Variants in RANGAP1 observed in about 807,000 individuals in gnomAD.
RANGAP1 encodes the protein ran GTPase-activating protein 1.
In RANGAP1, 38 loss-of-function variants were observed where a neutral mutation model predicts 63.5. The ratio of observed to expected loss-of-function variants is 0.60; its 90% CI spans 0.46 to 0.78. The LOEUF (loss-of-function observed/expected upper bound fraction) is 0.78, where lower values mean the gene tolerates loss of function less well. RANGAP1 is among the 30% of genes least tolerant of loss of function. The pLI is 0.00. For synonymous variants in RANGAP1, 329 were observed against 310.5 expected (o/e 1.06, Z -0.63); for missense variants, 630 against 740.3 (o/e 0.85, Z 1.73).
At chr22:41,249,896 C>T in intron 13 of RANGAP1, 79 bp from the exon 14 acceptor site, 1 of 1,293,822 alleles carries the variant, frequency 7.7e-7, no homozygotes, top group African/African-American at 1.5e-5. Flanking sequence ...TCCCCCAACA[C>T]CGCGCAGACA....
intron 13 of RANGAP1, among the ~76,000 whole-genome samples, 183 bp downstream of exon 13, chr22:41,250,824 A>G (rs2033391063): frequency 6.6e-6 from 1 of 152,084 alleles, no homozygotes; most frequent in Non-Finnish European, 1.5e-5. Flanking sequence ...GTGGTGAAAA[A>G]CAGGGAGAAG....
intron 1 of RANGAP1, chr22:41,285,510 T>C (rs915337931): frequency 5.1e-6 from 5 of 985,336 alleles, no homozygotes; most frequent in African/African-American, 3.5e-5. Flanking sequence ...TGAGGTGAGA[T>C]GCATGCTCCT....
intron 12 of RANGAP1, 81 bp downstream of exon 12, chr22:41,252,789 GTC>G: frequency 7.2e-7 from 1 of 1,396,954 alleles, no homozygotes; most frequent in South Asian, 1.7e-5. Flanking sequence ...GCACCCCCAG[GTC>G]TCTGAGCTGT....
At chr22:41,290,156 A>AGAG (rs1341756333), upstream of RANGAP1, among the ~76,000 whole-genome samples, 1 of 150,462 alleles carries the variant, frequency 6.6e-6, no homozygotes, top group Non-Finnish European at 1.5e-5. Flanking sequence ...AGAAAAAAAA[A>AGAG]AAAGAGAGAG....
At chr22:41,271,310 C>G (rs1016989984) in intron 3 of RANGAP1, among the ~76,000 whole-genome samples, 1 of 150,724 alleles carries the variant, frequency 6.6e-6, no homozygotes, top group Non-Finnish European at 1.5e-5. Flanking sequence ...ATCACTTGAG[C>G]CTGGGAGTGC....
At chr22:41,265,170 T>A (rs1569191090) in intron 4 of RANGAP1, among the ~76,000 whole-genome samples, 1 of 152,058 alleles carries the variant, frequency 6.6e-6, no homozygotes, top group East Asian at 1.9e-4. Context: ...GACATAAGCA[T>A]GAAGCAGCAG....
At chr22:41,255,004 A>C (rs2033734699) in intron 10 of RANGAP1, among the ~76,000 whole-genome samples, 1 of 151,988 alleles carries the variant, frequency 6.6e-6, no homozygotes, top group Non-Finnish European at 1.5e-5. Flanking sequence ...AACAAAAAAA[A>C]ATCAGATCTT....
At position 41,271,397 on chromosome 22, in the gene RANGAP1, A is replaced by AC. The variant is rs1365062848; in HGVS notation, c.240+3202_240+3203insG. Among the ~76,000 whole-genome samples the AC allele has an allele frequency of 1.7e-3, 235 of 141,728 alleles. 2 individuals carry two copies. The highest frequency in any genetic ancestry group is 2.5e-3 in the Non-Finnish European group (160 of 64,552). The allele number at this position is 141,728 out of a possible 152,430, so 93.0% of individuals were successfully genotyped here. ...CGTGAAACTGTCTCTAAAAAAAAACAAAAAAAAAAAACAAAAACGCCGGGT... is the reference window on the plus strand; with the variant it reads ...CGTGAAACTGTCTCTAAAAAAAAACACAAAAAAAAAAACAAAAACGCCGGGT... On this transcript the variant is annotated intron_variant, in intron 3 of 15. Coordinates refer to ENST00000356244, the MANE Select transcript of RANGAP1 (RefSeq NM_002883.4).
At chr22:41,264,568 C>T in intron 5 of RANGAP1, 96 bp downstream of exon 5, 1 of 1,405,708 alleles carries the variant, frequency 7.1e-7, no homozygotes, top group Non-Finnish European at 9.5e-7. Flanking sequence ...CAACGGCTGA[C>T]CATCCCAGAT....
chr22:41,291,729 T>G, the RANGAP1 span, among the ~76,000 whole-genome samples: 6 of 151,088 alleles, frequency 4.0e-5, no homozygotes, highest in Non-Finnish European at 8.8e-5. Context: ...AAACCCCGTC[T>G]CTACTAAAAA....
Position 41,251,068 on chromosome 22 carries a change from T to C in RANGAP1, c.1422A>G (p.Leu474=), listed in dbSNP as rs1457929880. Residue 474 remains leucine (L), a synonymous_variant, in exon 13 of 16, where the codon CTA becomes CTG. Coordinates refer to ENST00000356244, the MANE Select transcript of RANGAP1 (RefSeq NM_002883.4). ...CGTCCTTGAACACAGATGACACCTTTAGGAAGGCAGAGACCACCTTCTCGG... is the reference window on the plus strand; with the variant it reads ...CGTCCTTGAACACAGATGACACCTTCAGGAAGGCAGAGACCACCTTCTCGG... ...SDPEKVVSAF[L]KVSSVFKDEA... 2.5e-6 allele frequency: 4 copies of C among 1,614,052 alleles called. No individual in the cohort carries two copies. The highest frequency in any genetic ancestry group is 3.3e-5 in the Admixed American group (2 of 60,022).
rs145681292 is a variant in RANGAP1 at position 41,254,348 on chromosome 22, G to A, written c.1220C>T (p.Ser407Leu). 4.7e-5 allele frequency: 76 copies of A among 1,613,982 alleles called. No homozygotes were observed. Among genetic ancestry groups the A allele is most frequent in the Non-Finnish European group, 5.9e-5 (70 of 1,180,026 alleles). ...EPQQRGQGEK[S>L]ATPSRKILDP... Reference sequence around the variant, plus strand: ...CAGAATCTTCCGTGAGGGCGTGGCTGACTTCTCTCCCTGCCCTCGCTGCTG... The same window carrying A: ...CAGAATCTTCCGTGAGGGCGTGGCTAACTTCTCTCCCTGCCCTCGCTGCTG... Residue 407 changes from serine to leucine, a missense_variant, in exon 11 of 16, where the codon TCA (serine) becomes TTA (leucine). Coordinates refer to ENST00000356244, the MANE Select transcript of RANGAP1 (RefSeq NM_002883.4).
intron 4 of RANGAP1, among the ~76,000 whole-genome samples, chr22:41,265,823 T>C (rs1310300318): frequency 1.3e-5 from 2 of 152,252 alleles, no homozygotes; most frequent in South Asian, 2.1e-4. Context: ...GCCACAGATA[T>C]GGCAGATGAG....
intron 1 of RANGAP1, among the ~76,000 whole-genome samples, chr22:41,284,544 G>C (rs1375769751): frequency 6.6e-6 from 1 of 151,008 alleles, no homozygotes; most frequent in Non-Finnish European, 1.5e-5. Flanking sequence ...TCCAACGTGG[G>C]CAACAAGAGT....
At position 41,257,848 on chromosome 22, in the gene RANGAP1, G is replaced by A; in HGVS notation, c.774+100C>T. ...CACACACCCAGGGGGCAGGCAGGGG[G>A]TAGAGGAGTCCCTGCTAAACGGAGC... On this transcript the variant is annotated intron_variant, in intron 7 of 15. Transcript: ENST00000356244. This position sits in a 1 kb window ranked among gnomAD's most constrained non-coding sequence, Gnocchi z 4.0. 1 of 1,371,460 alleles carries A rather than the reference G, an allele frequency of 7.3e-7. No individual in the cohort carries two copies. The highest frequency in any genetic ancestry group is 9.9e-7 in the Non-Finnish European group (1 of 1,009,720). 85.0% of individuals were successfully genotyped at this position (1,371,460 alleles called of 1,614,324 possible).
At chr22:41,275,821 C>T (rs1453929510) in intron 2 of RANGAP1, among the ~76,000 whole-genome samples, 2 of 151,878 alleles carry the variant, frequency 1.3e-5, no homozygotes, top group African/African-American at 4.8e-5. Context: ...TGGCGTGCAC[C>T]TGTAGTCTCA....
the RANGAP1 span, among the ~76,000 whole-genome samples, chr22:41,292,966 T>TA: frequency 6.6e-6 from 1 of 151,266 alleles, no homozygotes. Context: ...CCGGGCGCGG[T>TA]GGCTCACGCC....
upstream of RANGAP1, among the ~76,000 whole-genome samples, chr22:41,287,371 G>GTTTTTTTTTTTTTTTTTTTTTTT (rs148508883): frequency 2.9e-5 from 3 of 101,696 alleles, no homozygotes; most frequent in African/African-American, 4.8e-5. Context: ...CACAAACAGC[G>GTTTTTTTTTTTTTTTTTTTTTTT]TTTTTTTTTT....
chr22:41,256,319 G>A, intron 8 of RANGAP1, 29 bp from the exon 9 acceptor site: 1 of 1,606,100 alleles, frequency 6.2e-7, no homozygotes, highest in Non-Finnish European at 8.5e-7. Context: ...GTTGGAGGCA[G>A]GCAGAAACCC....
Sources: gnomAD v4.1 joint callset for allele counts (sites outside exome capture counted in the v4.1 genomes callset) on GRCh38, gnomAD v4.1.1 for gene constraint, Gnocchi (gnomAD v3.1) non-coding constraint, MANE v1.5 for transcripts, NCBI Gene and HGNC (gene_info 2026-07-23, HGNC 2026-07-21) for gene names.